Variants in GABPB2 observed in about 807,000 individuals in gnomAD.
The protein encoded by GABPB2 is GA-binding protein subunit beta-2.
In GABPB2, 23 loss-of-function variants were observed where a neutral mutation model predicts 39.1. That is an observed-to-expected ratio of 0.59 (90% CI 0.42 to 0.83). The LOEUF is 0.83. Among genes scored for constraint, GABPB2 ranks in the 40% least tolerant of loss-of-function variants. The pLI, the probability that GABPB2 is intolerant of heterozygous loss-of-function variation, is 0.00. For synonymous variants in GABPB2, 184 were observed against 199.3 expected, an observed-to-expected ratio of 0.92 and a Z score of 0.65; for missense variants, 467 against 541.1, an observed-to-expected ratio of 0.86 and a Z score of 1.36.
chr1:151,107,702 G>T (rs1680081668), intron 7 of GABPB2, among the ~76,000 whole-genome samples: 1 of 152,070 alleles, frequency 6.6e-6, no homozygotes, highest in Non-Finnish European at 1.5e-5. Flanking sequence ...TTGGGAGGCT[G>T]ACGCAGGAGG....
intron 2 of GABPB2, 97 bp from the exon 3 acceptor site, chr1:151,090,309 G>A: frequency 8.6e-7 from 1 of 1,162,926 alleles, no homozygotes; most frequent in Non-Finnish European, 1.2e-6. Flanking sequence ...ATTCTCTCTT[G>A]AAGGACAAGA....
chr1:151,095,031 G>A (rs1024671517), intron 4 of GABPB2, among the ~76,000 whole-genome samples: 1 of 149,874 alleles, frequency 6.7e-6, no homozygotes. Context: ...AAAATTAATA[G>A]GACATGAAGT....
intron 3 of GABPB2, among the ~76,000 whole-genome samples, chr1:151,092,144 G>T (rs1172267803): frequency 8.8e-5 from 10 of 113,588 alleles, no homozygotes; most frequent in African/African-American, 2.8e-4. Flanking sequence ...GTCTTGCTCT[G>T]TCGCCAGGCT....
At chr1:151,107,284 TA>T in intron 7 of GABPB2, 62 bp downstream of exon 7, 1 of 1,110,432 alleles carries the variant, frequency 9.0e-7, no homozygotes. Context: ...CATACTCACC[TA>T]AAAATGAGGC....
chr1:151,096,242 G>A (rs914119421), intron 4 of GABPB2, among the ~76,000 whole-genome samples: 3 of 151,858 alleles, frequency 2.0e-5, no homozygotes, highest in Non-Finnish European at 2.9e-5. Flanking sequence ...TGGGCAACTC[G>A]ATGAAACCCT....
intron 4 of GABPB2, among the ~76,000 whole-genome samples, chr1:151,096,306 G>T (rs587700118): frequency 6.6e-6 from 1 of 151,934 alleles, no homozygotes; most frequent in East Asian, 2.0e-4. Context: ...TGCGCCTATA[G>T]TCCCAGCTAC....
At chr1:151,115,293 G>T (rs886459216) in intron 7 of GABPB2, among the ~76,000 whole-genome samples, 4 of 151,998 alleles carry the variant, frequency 2.6e-5, no homozygotes, top group Non-Finnish European at 4.4e-5. Flanking sequence ...TGGGGGCAGA[G>T]GTTGCGGTGA....
chr1:151,093,488 A>G (rs1678874777), intron 4 of GABPB2, 102 bp downstream of exon 4: 1 of 814,070 alleles, frequency 1.2e-6, no homozygotes, highest in Admixed American at 3.2e-5. Flanking sequence ...TTATTAAAGT[A>G]GCACTTCTAA....
At chr1:151,091,186 G>C (rs1187793476) in intron 3 of GABPB2, among the ~76,000 whole-genome samples, 1 of 148,618 alleles carries the variant, frequency 6.7e-6, no homozygotes, top group African/African-American at 2.5e-5. Context: ...CTCCTGGGTT[G>C]AAGTGATTCT....
At position 151,118,185 on chromosome 1, in the gene GABPB2, A is replaced by G. The variant is rs767559783; in HGVS notation, c.1276A>G (p.Thr426Ala). The G allele has an allele frequency of 3.1e-6, 5 of 1,614,162 alleles. No individual in the cohort carries two copies. In the South Asian group the frequency reaches 4.4e-5, roughly 14 times the overall value. Residue 426 changes from threonine to alanine, a missense_variant, in exon 9 of 9, where the codon ACA becomes GCA. Thr to Ala is a moderately conservative substitution (Grantham distance 58). Transcript: ENST00000368918. ...AGAGGGGGAGTTGGAAGAGAGAGAGACAAAAGTGACTGGGTCAGCAGGGAC... is the reference window on the plus strand; with the variant it reads ...AGAGGGGGAGTTGGAAGAGAGAGAGGCAAAAGTGACTGGGTCAGCAGGGAC... ...VTEGELEERE[T>A]KVTGSAGTTE...
In GABPB2 at chr1:151,103,673, C is replaced by T; in HGVS notation, c.734C>T (p.Thr245Ile). The T allele has an allele frequency of 6.2e-7, 1 of 1,605,564 alleles. No individual in the cohort carries two copies. Among genetic ancestry groups the T allele is most frequent in the Non-Finnish European group, 8.5e-7 (1 of 1,172,172 alleles). Residue 245 changes from threonine to isoleucine, a missense_variant and splice_region_variant, in exon 6 of 9, where the codon ACA (threonine) becomes ATA (isoleucine). Coordinates refer to ENST00000368918, the MANE Select transcript of GABPB2 (RefSeq NM_144618.3). ...CCCCTCTCCAACTCACACAGAGCCA[C>T]AGGTAGGTAAGGGATATGCTGCTGG... Reference protein sequence around the residue: ...SVPLSNSHRATANTEEIIEGN... With the variant: ...SVPLSNSHRAIANTEEIIEGN...
chr1:151,090,393 T>C lies in GABPB2; in HGVS notation c.109-13T>C, dbSNP rs767367732. The C allele has an allele frequency of 6.8e-6, 11 of 1,612,896 alleles. No individual in the cohort carries two copies. Among genetic ancestry groups the C allele is most frequent in the Non-Finnish European group, 9.3e-6 (11 of 1,179,274 alleles). ...CACACAGTGGATATTCAATGAGCATTATTTTTCCACAGCTTGGAACATCAC... is the reference window on the plus strand; with the variant it reads ...CACACAGTGGATATTCAATGAGCATCATTTTTCCACAGCTTGGAACATCAC... On this transcript the variant is annotated splice_polypyrimidine_tract_variant and intron_variant, in intron 2 of 8. Coordinates refer to ENST00000368918, the MANE Select transcript of GABPB2 (RefSeq NM_144618.3).
In GABPB2 at chr1:151,119,471, G is replaced by A. The variant is rs1379909611; in HGVS notation, c.*1215G>A. The A allele has an allele frequency of 1.3e-5, 2 of 152,356 alleles. No homozygotes were observed. The highest frequency in any genetic ancestry group is 2.9e-5 in the Non-Finnish European group (2 of 68,152). The allele number at this position is 152,356 out of a possible 1,614,324, so 9.4% of individuals were successfully genotyped here. A position where few individuals can be genotyped will look rare whatever the true frequency, so the allele number is the denominator to read the frequency against. On this transcript the variant is annotated 3_prime_UTR_variant, in exon 9 of 9. Coordinates refer to ENST00000368918, the MANE Select transcript of GABPB2 (RefSeq NM_144618.3). ...ATACAAAAAATTGGCCGGGCGCAGC[G>A]GCTCACGCCTGTAATCCCAGCACTT...
rs1393979795 is a variant in GABPB2, at chr1:151,107,167, C to A, written c.867C>A (p.Ile289=). The change falls in exon 7 of 9, where the codon ATC becomes ATA. Residue 289 remains isoleucine, a synonymous_variant. Transcript: ENST00000368918. The stretch of plus-strand genomic sequence containing the variant: ...CTCTGGGTAATATCCAAACTTCAAT[C>A]CCTACTGGAGGCATTGGCCAGCCAT... ...GVPLGNIQTS[I]PTGGIGQPFI... is the part of the protein sequence containing the mutation. The A allele has an allele frequency of 6.2e-7, 1 of 1,612,574 alleles. No homozygotes were observed. The highest frequency in any genetic ancestry group is 1.1e-5 in the South Asian group (1 of 90,776).
intron 7 of GABPB2, among the ~76,000 whole-genome samples, chr1:151,116,681 C>T (rs1680902219): frequency 6.6e-6 from 1 of 152,076 alleles, no homozygotes; most frequent in Admixed American, 6.6e-5. Context: ...GTTCTTGGCT[C>T]ACTACGGCCT....
In GABPB2 at chr1:151,122,430, C is replaced by T. The variant is rs1018676100; in HGVS notation, c.*4174C>T. ...AGTCCCTTTGGGAACCAGGTGCTAA[C>T]AAGAAGCTGTTATGTGTGGGATTTC... is the stretch of plus-strand genomic sequence containing the variant. On this transcript the variant is annotated 3_prime_UTR_variant, in exon 9 of 9. Coordinates refer to ENST00000368918, the MANE Select transcript of GABPB2 (RefSeq NM_144618.3). 1 of 152,068 alleles carries T rather than the reference C, an allele frequency of 6.6e-6. No homozygotes were observed. 9.4% of individuals were successfully genotyped at this position (152,068 alleles called of 1,614,324 possible). A position where few individuals can be genotyped will look rare whatever the true frequency, so the allele number is the denominator to read the frequency against.
intron 1 of GABPB2, among the ~76,000 whole-genome samples, chr1:151,072,772 A>C (rs4970939): frequency 9.2e-5 from 14 of 152,006 alleles, no homozygotes; most frequent in Non-Finnish European, 2.1e-4. Flanking sequence ...GCTTGAACCC[A>C]GCAGGCAGAG....
chr1:151,088,090 A>G (rs774163388), intron 1 of GABPB2, 100 bp from the exon 2 acceptor site: 18 of 761,554 alleles, frequency 2.4e-5, no homozygotes, highest in Non-Finnish European at 3.8e-5. Context: ...GATGTATCTT[A>G]TATACATTCA....
chr1:151,109,005 A>G (rs587726769), intron 7 of GABPB2, among the ~76,000 whole-genome samples: 2 of 152,084 alleles, frequency 1.3e-5, no homozygotes, highest in African/African-American at 4.8e-5. Flanking sequence ...GGGGCAACAT[A>G]GCAAGACCCC....
Sources: allele counts gnomAD v4.1 joint callset (sites outside exome capture counted in the v4.1 genomes callset), GRCh38; gene constraint gnomAD v4.1.1; transcripts MANE v1.5; gene names NCBI Gene and HGNC (gene_info 2026-07-23, HGNC 2026-07-21).